The following RXFP1 variants were observed in gnomAD, a reference collection of about 807,000 sequenced individuals.
The protein encoded by RXFP1 is relaxin receptor 1.
Under a neutral mutation model 89.8 loss-of-function variants are expected in RXFP1, and 73 were observed. That is an observed-to-expected ratio of 0.81 (90% CI 0.67 to 0.99). The LOEUF is 0.99. Ranked by LOEUF, RXFP1 falls within the 50% of genes least tolerant of loss-of-function variation. The pLI is 0.00. For synonymous variants in RXFP1, 277 were observed against 305.5 expected (o/e 0.91, Z 0.97); for missense variants, 793 against 895.5 (o/e 0.89, Z 1.46).
At position 158,564,733 on chromosome 4, in the gene RXFP1, AACTATT is replaced by A. The variant is rs1259194886; in HGVS notation, c.50-7961_50-7956del. 5.3e-5 allele frequency among the ~76,000 whole-genome samples: 8 copies of A among 152,282 alleles called. No individual in the cohort carries two copies. The East Asian group carries it at 1.5e-3, about 29-fold the overall frequency. The stretch of plus-strand genomic sequence containing the variant: ...GAGCATGTTTACTTGCTCTTCTAGG[AACTATT>A]ACTTCTGTAACTCTTTGGGCATACT... On this transcript the variant is annotated intron_variant, in intron 1 of 17. Transcript: ENST00000307765.
rs749312396 is a variant in RXFP1, at chr4:158,521,899, A to G, written c.-78A>G. 9.1e-6 allele frequency: 8 copies of G among 883,036 alleles called. No individual in the cohort carries two copies. Among genetic ancestry groups the G allele is most frequent in the African/African-American group, 1.7e-5 (1 of 59,984 alleles). The allele number at this position is 883,036 out of a possible 1,614,324, so 54.7% of individuals were successfully genotyped here. On this transcript the variant is annotated 5_prime_UTR_variant, in exon 1 of 18. Transcript: ENST00000307765. ...TTGCAGACAGAAATAGCACACAACC[A>G]CTGTGAGCTGTATGCGATTCAGAAA...
chr4:158,617,646 A>G (rs975103147), intron 9 of RXFP1, among the ~76,000 whole-genome samples: 2 of 152,184 alleles, frequency 1.3e-5, no homozygotes, highest in African/African-American at 4.8e-5. Flanking sequence ...AATATGTTCC[A>G]TGGAATATTT....
chr4:158,521,717 C>T (rs111487655), upstream of RXFP1: 14 of 466,308 alleles, frequency 3.0e-5, no homozygotes, highest in Admixed American at 1.2e-4. Flanking sequence ...CGCACGCGTG[C>T]GTGTGTGTAA....
intron 1 of RXFP1, among the ~76,000 whole-genome samples, chr4:158,546,596 A>G (rs987730623): frequency 1.3e-4 from 20 of 152,174 alleles, no homozygotes; most frequent in African/African-American, 4.6e-4. Context: ...TTTGTCATAG[A>G]TAGCTCTTAT....
chr4:158,608,084 T>C lies in RXFP1; in HGVS notation c.536+41T>C, dbSNP rs189679241. On this transcript the variant is annotated intron_variant, in intron 6 of 17. Coordinates refer to ENST00000307765, the MANE Select transcript of RXFP1 (RefSeq NM_021634.4). ...AATTAATTTGCCCATTCCATGGTAGTCTGACAGCCTAGACTATTCCAATCC... is the reference window on the plus strand; with the variant it reads ...AATTAATTTGCCCATTCCATGGTAGCCTGACAGCCTAGACTATTCCAATCC... 31 of 1,325,758 alleles carry C rather than the reference T, an allele frequency of 2.3e-5. No individual in the cohort carries two copies. The African/African-American group carries it at 4.2e-4, about 18-fold the overall frequency. The allele number at this position is 1,325,758 out of a possible 1,614,324, so 82.1% of individuals were successfully genotyped here. A position where few individuals can be genotyped will look rare whatever the true frequency, so the allele number is the denominator to read the frequency against.
In RXFP1 at chr4:158,623,400, G is replaced by C. The variant is rs148465436; in HGVS notation, c.756-3420G>C. Among the ~76,000 whole-genome samples, 137 of 148,710 alleles carry C rather than the reference G, an allele frequency of 9.2e-4. 1 individual carries two copies. The highest frequency in any genetic ancestry group is 3.3e-3 in the African/African-American group (133 of 40,462). On this transcript the variant is annotated intron_variant, in intron 9 of 17. Coordinates refer to ENST00000307765, the MANE Select transcript of RXFP1 (RefSeq NM_021634.4). ...GCCTGTAATCCCAGCAAATCAGGAG[G>C]CTGAGGCAGGAGAATCACTTGAATC...
chr4:158,611,126 T>A (rs1763497952), intron 6 of RXFP1, among the ~76,000 whole-genome samples: 1 of 152,226 alleles, frequency 6.6e-6, no homozygotes, highest in Non-Finnish European at 1.5e-5. Flanking sequence ...ATGCATTGCC[T>A]CTATTAAACC....
At chr4:158,522,057 CT>C in intron 1 of RXFP1, 32 bp downstream of exon 1, 1 of 1,334,308 alleles carries the variant, frequency 7.5e-7, no homozygotes, top group Non-Finnish European at 1.1e-6. Flanking sequence ...TTTTGTATAC[CT>C]TAGTATTTTG....
intron 16 of RXFP1, among the ~76,000 whole-genome samples, chr4:158,647,504 T>A (rs1256483080): frequency 6.6e-6 from 1 of 152,208 alleles, no homozygotes; most frequent in African/African-American, 2.4e-5. Flanking sequence ...GGCTTGTGAG[T>A]ATATATACAA....
chr4:158,635,182 T>C (rs1241430668), intron 12 of RXFP1, among the ~76,000 whole-genome samples: 1 of 152,246 alleles, frequency 6.6e-6, no homozygotes, highest in African/African-American at 2.4e-5. Context: ...CTTTCATTGG[T>C]GTCTTCCTTA....
At chr4:158,602,312 A>G (rs1432154255) in intron 4 of RXFP1, among the ~76,000 whole-genome samples, 1 of 152,188 alleles carries the variant, frequency 6.6e-6, no homozygotes, top group Non-Finnish European at 1.5e-5. Context: ...TCTTTCAATG[A>G]GCCTCACTTT....
chr4:158,650,982 G>A (rs1214937693), intron 17 of RXFP1, among the ~76,000 whole-genome samples: 1 of 152,026 alleles, frequency 6.6e-6, no homozygotes, highest in Non-Finnish European at 1.5e-5. Flanking sequence ...AAATTAACCA[G>A]GCATGGTGGC....
chr4:158,622,111 G>T (rs535204488), intron 9 of RXFP1, among the ~76,000 whole-genome samples: 2 of 152,182 alleles, frequency 1.3e-5, no homozygotes, highest in Non-Finnish European at 2.9e-5. Flanking sequence ...AGGAGTTCGA[G>T]GCCAGCCTGG....
Position 158,617,163 on chromosome 4 carries a change from C to G in RXFP1, c.713C>G (p.Pro238Arg), listed in dbSNP as rs371870019. The G allele has an allele frequency of 1.2e-6, 2 of 1,610,062 alleles. No homozygotes were observed. The highest frequency in any genetic ancestry group is 1.7e-6 in the Non-Finnish European group (2 of 1,177,902). Reference sequence around the variant, plus strand: ...ATGAATAACGTCCTCACCCGTTTACCTGATAAACCTCTCTGTCAACACATG... The same window carrying G: ...ATGAATAACGTCCTCACCCGTTTACGTGATAAACCTCTCTGTCAACACATG... Reference protein sequence around the residue: ...VLMNNVLTRLPDKPLCQHMPR... With the variant: ...VLMNNVLTRLRDKPLCQHMPR... The change falls in exon 9 of 18, where the codon CCT (proline) becomes CGT (arginine). Residue 238 changes from proline (P) to arginine (R), a missense_variant. Physicochemically the swap from Pro to Arg is moderately radical, Grantham distance 103 (BLOSUM62 -2). Transcript: ENST00000307765.
At chr4:158,582,300 A>G (rs550010614) in intron 2 of RXFP1, among the ~76,000 whole-genome samples, 2 of 152,308 alleles carry the variant, frequency 1.3e-5, no homozygotes, top group East Asian at 3.9e-4. Context: ...TCCAAGTGGT[A>G]GAAGTCTAAA....
At chr4:158,634,376 T>A (rs1451911807) in intron 12 of RXFP1, among the ~76,000 whole-genome samples, 1 of 152,178 alleles carries the variant, frequency 6.6e-6, no homozygotes, top group Non-Finnish European at 1.5e-5. Context: ...TTGTTCAGGT[T>A]TTCTGTAGTT....
At chr4:158,615,879 G>T (rs968191669) in intron 8 of RXFP1, among the ~76,000 whole-genome samples, 1 of 152,064 alleles carries the variant, frequency 6.6e-6, no homozygotes, top group Non-Finnish European at 1.5e-5. Context: ...CTGAGCTCAG[G>T]AGTTTGAGGC....
intron 9 of RXFP1, among the ~76,000 whole-genome samples, chr4:158,622,627 A>C (rs1377758306): frequency 1.3e-5 from 2 of 152,218 alleles, no homozygotes; most frequent in Non-Finnish European, 2.9e-5. Context: ...AAAGAAAAAT[A>C]CTGCGTAATC....
At chr4:158,612,917 A>G (rs1035786264) in intron 8 of RXFP1, among the ~76,000 whole-genome samples, 3 of 152,178 alleles carry the variant, frequency 2.0e-5, no homozygotes, top group Admixed American at 2.0e-4. Flanking sequence ...CTTTATCACA[A>G]TATTCTTAAG....
Sources: gnomAD v4.1 joint callset for allele counts (sites outside exome capture counted in the v4.1 genomes callset) on GRCh38, gnomAD v4.1.1 for gene constraint, MANE v1.5 for transcripts, NCBI Gene and HGNC (gene_info 2026-07-23, HGNC 2026-07-21) for gene names.